ENOX1: variants seen among roughly 807,000 people sequenced by gnomAD.
The protein encoded by ENOX1 is ecto-NOX disulfide-thiol exchanger 1.
ENOX1 carries 42 observed loss-of-function variants against 82.5 expected under a neutral mutation model. The ratio of observed to expected loss-of-function variants is 0.51; its 90% CI spans 0.40 to 0.66. The LOEUF (loss-of-function observed/expected upper bound fraction) is 0.66, where lower values mean the gene tolerates loss of function less well. Among genes scored for constraint, ENOX1 ranks in the 30% least tolerant of loss-of-function variants. ENOX1 has a pLI of 0.00. For synonymous variants in ENOX1, 271 were observed against 282.2 expected, an observed-to-expected ratio of 0.96 and a Z score of 0.40; for missense variants, 608 against 811.6, an observed-to-expected ratio of 0.75 and a Z score of 3.05.
At chr13:43,432,195 G>A (rs944608738) in intron 3 of ENOX1, among the ~76,000 whole-genome samples, 4 of 152,122 alleles carry the variant, frequency 2.6e-5, no homozygotes, top group African/African-American at 7.2e-5. Context: ...TATGGCAGTC[G>A]TCTCCTGATC....
intron 1 of ENOX1, among the ~76,000 whole-genome samples, chr13:43,705,830 G>C (rs1035297152): frequency 6.6e-5 from 10 of 151,972 alleles, no homozygotes; most frequent in Non-Finnish European, 1.2e-4. Context: ...AATATATTTT[G>C]AATAGTAAAC....
chr13:43,711,471 T>C lies in ENOX1; in HGVS notation c.-284-43927A>G, dbSNP rs763985122. Among the ~76,000 whole-genome samples the C allele has an allele frequency of 1.2e-3, 183 of 152,298 alleles. 1 individual carries two copies. The highest frequency in any genetic ancestry group is 2.1e-3 in the Non-Finnish European group (140 of 68,034). On this transcript the variant is annotated intron_variant, in intron 1 of 16. Coordinates refer to ENST00000690772, the MANE Select transcript of ENOX1 (RefSeq NM_001347969.2). ...TGGCTGGGTCAAATGGTATTTCTAG[T>C]TCTAGATCCCTGAGGAATCACCATA...
At chr13:43,636,646 C>A (rs2083426343) in intron 2 of ENOX1, among the ~76,000 whole-genome samples, 2 of 151,858 alleles carry the variant, frequency 1.3e-5, no homozygotes, top group South Asian at 4.2e-4. Flanking sequence ...CCAGAACATT[C>A]CACCTTGTTT....
chr13:43,489,141 C>T (rs1235814016), intron 2 of ENOX1, among the ~76,000 whole-genome samples: 1 of 152,176 alleles, frequency 6.6e-6, no homozygotes, highest in African/African-American at 2.4e-5. Context: ...GCACCAATGG[C>T]TCTAAACACA....
chr13:43,630,908 C>T (rs1030845321), intron 2 of ENOX1, among the ~76,000 whole-genome samples: 10 of 145,232 alleles, frequency 6.9e-5, no homozygotes, highest in African/African-American at 1.5e-4. Flanking sequence ...CGCATACATA[C>T]GTGTGCGTAT....
intron 14 of ENOX1, among the ~76,000 whole-genome samples, chr13:43,264,812 T>C (rs947812700): frequency 1.3e-5 from 2 of 152,222 alleles, no homozygotes; most frequent in African/African-American, 2.4e-5. Context: ...ACTTGTTTAC[T>C]TTTTGACAAT....
At chr13:43,374,290 G>A (rs1429663312) in intron 5 of ENOX1, among the ~76,000 whole-genome samples, 1 of 146,624 alleles carries the variant, frequency 6.8e-6, no homozygotes, top group East Asian at 2.0e-4. Context: ...CTGTCACCCA[G>A]GCTGGAGTGC....
At chr13:43,258,119 A>C (rs948268941) in intron 14 of ENOX1, among the ~76,000 whole-genome samples, 6 of 152,202 alleles carry the variant, frequency 3.9e-5, no homozygotes, top group African/African-American at 1.2e-4. Flanking sequence ...GCTGGCATTG[A>C]GGTGTCTGGG....
rs115894053 is a variant in ENOX1 at position 43,678,657 on chromosome 13, C to T, written c.-284-11113G>A. On this transcript the variant is annotated intron_variant, in intron 1 of 16. Transcript: ENST00000690772. ...CATCATCTTAAGCAAGTTATCTCAC[C>T]TCTGGACTCCAAGTTTCCTCATCAG... is the stretch of plus-strand genomic sequence containing the variant. Among the ~76,000 whole-genome samples, 1,360 of 152,246 alleles carry T rather than the reference C, an allele frequency of 8.9e-3. 21 individuals are homozygous for T. Among genetic ancestry groups the T allele is most frequent in the African/African-American group, 0.031 (1,288 of 41,538 alleles).
intron 2 of ENOX1, among the ~76,000 whole-genome samples, chr13:43,630,329 C>T (rs1250168953): frequency 6.6e-6 from 1 of 152,150 alleles, no homozygotes; most frequent in Admixed American, 6.6e-5. Context: ...TACACCACAT[C>T]TTTATTTTCT....
intron 2 of ENOX1, among the ~76,000 whole-genome samples, chr13:43,488,785 G>C (rs959522005): frequency 6.6e-6 from 1 of 152,202 alleles, no homozygotes; most frequent in African/African-American, 2.4e-5. Flanking sequence ...ATTCTGTTGA[G>C]ATCTCAGATG....
At chr13:43,501,423 G>C (rs1318261725) in intron 2 of ENOX1, among the ~76,000 whole-genome samples, 1 of 151,674 alleles carries the variant, frequency 6.6e-6, no homozygotes, top group Non-Finnish European at 1.5e-5. Flanking sequence ...TAACAGAAAT[G>C]TACAGAACAT....
At chr13:43,380,676 G>A (rs536971662) in intron 5 of ENOX1, among the ~76,000 whole-genome samples, 4 of 151,262 alleles carry the variant, frequency 2.6e-5, no homozygotes, top group East Asian at 3.9e-4. Context: ...CTTTTAATAC[G>A]AAGTCATAAA....
chr13:43,593,324 C>G (rs983602754), intron 2 of ENOX1, among the ~76,000 whole-genome samples: 1 of 152,038 alleles, frequency 6.6e-6, no homozygotes, highest in Non-Finnish European at 1.5e-5. Context: ...CATCAGAGAT[C>G]AGAAATAAAA....
chr13:43,308,019 A>T (rs2046966526), intron 11 of ENOX1, among the ~76,000 whole-genome samples: 1 of 152,232 alleles, frequency 6.6e-6, no homozygotes, highest in African/African-American at 2.4e-5. Flanking sequence ...GCGAGTGGCC[A>T]GGCATGCCTG....
At chr13:43,240,403 T>C (rs887869122) in intron 14 of ENOX1, among the ~76,000 whole-genome samples, 2 of 151,792 alleles carry the variant, frequency 1.3e-5, no homozygotes, top group African/African-American at 4.8e-5. Flanking sequence ...AGATTTTATC[T>C]GGGAGGCTTA....
intron 11 of ENOX1, among the ~76,000 whole-genome samples, chr13:43,318,004 CAA>C (rs544967783): frequency 7.7e-6 from 1 of 129,300 alleles, no homozygotes; most frequent in Admixed American, 7.9e-5. Flanking sequence ...GACTCCGTCT[CAA>C]AAAAAAAAAA....
chr13:43,292,560 T>C (rs1366149378), intron 12 of ENOX1, among the ~76,000 whole-genome samples: 1 of 152,094 alleles, frequency 6.6e-6, no homozygotes, highest in Non-Finnish European at 1.5e-5. Context: ...CTTCTGAAGT[T>C]GGCTGGGAGC....
intron 2 of ENOX1, among the ~76,000 whole-genome samples, chr13:43,511,141 A>T (rs2077353093): frequency 6.6e-6 from 1 of 152,140 alleles, no homozygotes; most frequent in Admixed American, 6.6e-5. Flanking sequence ...TAAAATAAGG[A>T]TATGAGCTGA....
Sources: gnomAD v4.1 joint callset for allele counts (sites outside exome capture counted in the v4.1 genomes callset) on GRCh38, gnomAD v4.1.1 for gene constraint, MANE v1.5 for transcripts, NCBI Gene and HGNC (gene_info 2026-07-23, HGNC 2026-07-21) for gene names.